Variants in IGSF21 observed in about 807,000 individuals in gnomAD.
The protein encoded by IGSF21 is immunoglobulin superfamily member 21.
A neutral mutation model predicts 46.8 loss-of-function variants in IGSF21; 28 were observed. The observed-to-expected ratio is 0.60, with a 90% CI of 0.44 to 0.82. The LOEUF (loss-of-function observed/expected upper bound fraction) is 0.82, where lower values mean the gene tolerates loss of function less well. Ranked by LOEUF, IGSF21 falls within the 40% of genes least tolerant of loss-of-function variation. The pLI, the probability that IGSF21 is intolerant of heterozygous loss-of-function variation, is 0.00. For missense variants in IGSF21, 624 were observed against 665.5 expected (o/e 0.94, Z 0.69); for synonymous variants, 284 against 273.6 (o/e 1.04, Z -0.38).
At chr1:18,358,346 AAT>A (rs991736723) in intron 4 of IGSF21, among the ~76,000 whole-genome samples, 6 of 152,250 alleles carry the variant, frequency 3.9e-5, no homozygotes, top group African/African-American at 1.4e-4. Flanking sequence ...TGATTCTAGT[AAT>A]ATATTTATTA....
In IGSF21 at chr1:18,374,091, G is replaced by C. The variant is rs574249074; in HGVS notation, c.1016-2219G>C. 8.1e-4 allele frequency among the ~76,000 whole-genome samples: 124 copies of C among 152,280 alleles called. 1 individual carries two copies. The highest frequency in any genetic ancestry group is 3.0e-3 in the African/African-American group (123 of 41,578). ...GGGATGCCCTTCAGCGCCCTCTCCT[G>C]GCTGCAGCCAACAATGCCGCCCCAG... On this transcript the variant is annotated intron_variant, in intron 6 of 9. Coordinates refer to ENST00000251296, the MANE Select transcript of IGSF21 (RefSeq NM_032880.5).
At chr1:18,320,120 C>T (rs1426819328) in intron 3 of IGSF21, among the ~76,000 whole-genome samples, 1 of 152,194 alleles carries the variant, frequency 6.6e-6, no homozygotes, top group Non-Finnish European at 1.5e-5. Flanking sequence ...CTTCTAGTTT[C>T]CATCTCCCCA....
chr1:18,131,189 T>C (rs2124416568), intron 1 of IGSF21, among the ~76,000 whole-genome samples: 1 of 152,298 alleles, frequency 6.6e-6, no homozygotes. Flanking sequence ...GGGAGGGGCA[T>C]ACCTGAGGCA....
At chr1:18,244,181 T>C (rs1159544993) in intron 2 of IGSF21, among the ~76,000 whole-genome samples, 2 of 152,212 alleles carry the variant, frequency 1.3e-5, no homozygotes, top group African/African-American at 4.8e-5. Context: ...GCTCTACTTC[T>C]CTGTGCACAT....
Position 18,200,183 on chromosome 1 carries a change from G to C in IGSF21, c.71-27715G>C, listed in dbSNP as rs1430169456. 7.2e-5 allele frequency among the ~76,000 whole-genome samples: 11 copies of C among 152,150 alleles called. No homozygotes were observed. The East Asian group carries it at 1.5e-3, about 21-fold the overall frequency. On this transcript the variant is annotated intron_variant, in intron 1 of 9. Coordinates refer to ENST00000251296, the MANE Select transcript of IGSF21 (RefSeq NM_032880.5). ...TGGTCACTTCCATTCTCTGCATCTT[G>C]GTCACCTCGGTTATAAAATAAGAAA...
At chr1:18,289,795 C>T (rs1020875170) in intron 2 of IGSF21, among the ~76,000 whole-genome samples, 13 of 152,338 alleles carry the variant, frequency 8.5e-5, no homozygotes, top group African/African-American at 2.9e-4. Context: ...GTCTCCTGAG[C>T]TTGCTGTATG....
intron 3 of IGSF21, among the ~76,000 whole-genome samples, chr1:18,308,126 G>A (rs535578812): frequency 2.0e-5 from 3 of 152,136 alleles, no homozygotes; most frequent in South Asian, 4.2e-4. Context: ...CTGGAGGGAG[G>A]GGCCATGTCC....
At chr1:18,364,293 A>G (rs1175772105) in intron 5 of IGSF21, among the ~76,000 whole-genome samples, 1 of 152,080 alleles carries the variant, frequency 6.6e-6, no homozygotes, top group Non-Finnish European at 1.5e-5. Context: ...AAGAAAATAA[A>G]TGGGGGAAAA....
intron 3 of IGSF21, among the ~76,000 whole-genome samples, chr1:18,325,947 C>T (rs1341300983): frequency 1.4e-5 from 2 of 144,854 alleles, no homozygotes; most frequent in Admixed American, 6.7e-5. Flanking sequence ...GCCAAGCTAA[C>T]TGACCTGAGC....
intron 3 of IGSF21, among the ~76,000 whole-genome samples, chr1:18,319,838 T>A (rs2085583328): frequency 6.6e-6 from 1 of 152,156 alleles, no homozygotes; most frequent in South Asian, 2.1e-4. Flanking sequence ...TGTCTTTCTT[T>A]TTCTAAATAC....
At chr1:18,281,992 C>T (rs1407395439) in intron 2 of IGSF21, among the ~76,000 whole-genome samples, 1 of 152,150 alleles carries the variant, frequency 6.6e-6, no homozygotes, top group Non-Finnish European at 1.5e-5. Context: ...CCCTCTGTGA[C>T]CCTGGGCATG....
intron 4 of IGSF21, among the ~76,000 whole-genome samples, chr1:18,338,846 A>G (rs2085799017): frequency 6.6e-6 from 1 of 151,838 alleles, no homozygotes; most frequent in South Asian, 2.1e-4. Flanking sequence ...CCAGGAACGC[A>G]TTATACACAG....
intron 3 of IGSF21, among the ~76,000 whole-genome samples, chr1:18,305,861 A>G (rs553950630): frequency 9.9e-5 from 15 of 152,218 alleles, no homozygotes; most frequent in Non-Finnish European, 1.8e-4. Flanking sequence ...TACAGAAAGG[A>G]AGGAGATGAT....
chr1:18,112,062 A>C (rs1318300003), intron 1 of IGSF21: 1 of 152,274 alleles, frequency 6.6e-6, no homozygotes, highest in Non-Finnish European at 1.5e-5. Flanking sequence ...GGACTTGCTT[A>C]GTTAGGTGCC....
chr1:18,273,922 A>T lies in IGSF21; in HGVS notation c.184-17944A>T, dbSNP rs183932722. On this transcript the variant is annotated intron_variant, in intron 2 of 9. Transcript: ENST00000251296. ...TAACTCCTGGGTGTGGCTGAAATGC[A>T]CCTGGCCTGGGAGTTTGAATCCCAG... Among the ~76,000 whole-genome samples, 15 of 152,192 alleles carry T rather than the reference A, an allele frequency of 9.9e-5. No individual in the cohort carries two copies. In the East Asian group the frequency reaches 2.7e-3, roughly 28 times the overall value.
intron 3 of IGSF21, among the ~76,000 whole-genome samples, chr1:18,314,218 T>A (rs1424134889): frequency 2.0e-5 from 3 of 152,102 alleles, no homozygotes; most frequent in Non-Finnish European, 2.9e-5. Context: ...TAAATTACAG[T>A]GGAACTGAAA....
At chr1:18,142,395 G>C (rs978261387) in intron 1 of IGSF21, among the ~76,000 whole-genome samples, 1 of 152,192 alleles carries the variant, frequency 6.6e-6, no homozygotes, top group African/African-American at 2.4e-5. Flanking sequence ...GCCCTGGCTT[G>C]TTCCGCCTTT....
chr1:18,254,843 TATCCATCCATCCATTCATCC>T (rs1392796919), intron 2 of IGSF21, among the ~76,000 whole-genome samples: 4 of 136,298 alleles, frequency 2.9e-5, no homozygotes, highest in Admixed American at 2.3e-4. Context: ...CCCATTCTTC[TATCCATCCATCCATTCATCC>T]ATCCATCCAT....
At chr1:18,302,268 G>A (rs1273579975) in intron 3 of IGSF21, among the ~76,000 whole-genome samples, 6 of 152,084 alleles carry the variant, frequency 3.9e-5, no homozygotes, top group South Asian at 4.1e-4. Flanking sequence ...CCCAGGGAGC[G>A]CCCCATGCAT....
Sources: gnomAD v4.1 joint callset for allele counts (sites outside exome capture counted in the v4.1 genomes callset) on GRCh38, gnomAD v4.1.1 for gene constraint, MANE v1.5 for transcripts, NCBI Gene and HGNC (gene_info 2026-07-23, HGNC 2026-07-21) for gene names.